The following CAST variants were observed in gnomAD, a reference collection of about 807,000 sequenced individuals.
CAST encodes MIR583 host.
In CAST, 76 loss-of-function variants were observed where a neutral mutation model predicts 119.6. The observed-to-expected ratio is 0.64, with a 90% CI of 0.53 to 0.77. CAST has a LOEUF of 0.77. Ranked by LOEUF, CAST falls within the 30% of genes least tolerant of loss-of-function variation. CAST has a pLI of 0.00. For missense variants in CAST, 953 were observed against 946.5 expected (o/e 1.01, Z -0.09); for synonymous variants, 319 against 331.6 (o/e 0.96, Z 0.41).
At chr5:96,708,993 A>T (rs192643939) in intron 3 of CAST, among the ~76,000 whole-genome samples, 2 of 152,176 alleles carry the variant, frequency 1.3e-5, no homozygotes. Context: ...TTTTTCCCCT[A>T]TGTTGTAGAT....
the CAST span, among the ~76,000 whole-genome samples, chr5:96,257,858 G>A: frequency 5.3e-5 from 8 of 152,168 alleles, no homozygotes; most frequent in East Asian, 1.9e-4. Context: ...CGCACAAGGC[G>A]CACTCTTTTT....
chr5:96,183,154 T>A, the CAST span, among the ~76,000 whole-genome samples: 38 of 101,410 alleles, frequency 3.7e-4, no homozygotes, highest in Non-Finnish European at 6.2e-4. Context: ...AGAAAAAAAA[T>A]AAATAAAATA....
chr5:96,544,854 C>T (rs1745978366), intron 1 of CAST, among the ~76,000 whole-genome samples: 1 of 151,256 alleles, frequency 6.6e-6, no homozygotes, highest in African/African-American at 2.4e-5. Flanking sequence ...ACTATATTTC[C>T]CACAAGAAAC....
Position 96,773,394 on chromosome 5 carries a change from C to G in CAST, c.*778C>G, listed in dbSNP as rs116955038. The stretch of plus-strand genomic sequence containing the variant: ...AAATTTCGAGCATAAGAAATAAAAT[C>G]TAATTAATTCTTAGGGTACTCATCT... On this transcript the variant is annotated 3_prime_UTR_variant, in exon 32 of 32. Coordinates refer to ENST00000675179, the MANE Select transcript of CAST (RefSeq NM_001750.7). 39 of 152,808 alleles carry G rather than the reference C, an allele frequency of 2.6e-4. No homozygotes were observed. The East Asian group carries it at 7.3e-3, about 29-fold the overall frequency. 9.5% of individuals were successfully genotyped at this position (152,808 alleles called of 1,614,324 possible).
chr5:96,678,166 A>T (rs1390489490), intron 2 of CAST, among the ~76,000 whole-genome samples: 1 of 152,158 alleles, frequency 6.6e-6, no homozygotes, highest in Non-Finnish European at 1.5e-5. Flanking sequence ...CCAGAGAAAG[A>T]CTTCCTGAAA....
the CAST span, among the ~76,000 whole-genome samples, chr5:96,301,550 AAGTT>A: frequency 6.6e-6 from 1 of 152,234 alleles, no homozygotes; most frequent in Non-Finnish European, 1.5e-5. Context: ...AATCAAAAGC[AAGTT>A]AGTTATTTCC....
At chr5:96,721,252 G>C (rs1477006842) in intron 3 of CAST, among the ~76,000 whole-genome samples, 1 of 152,080 alleles carries the variant, frequency 6.6e-6, no homozygotes, top group East Asian at 1.9e-4. Flanking sequence ...AGGGTTCTCA[G>C]GAATAGTTAT....
the CAST span, among the ~76,000 whole-genome samples, chr5:96,048,408 A>G: frequency 2.9e-3 from 445 of 152,254 alleles, 2 homozygotes; most frequent in African/African-American, 0.01. Context: ...TTCAGATGCA[A>G]AATAGGACAT....
chr5:96,062,956 C>A, the CAST span, among the ~76,000 whole-genome samples: 1 of 152,052 alleles, frequency 6.6e-6, no homozygotes. Context: ...AGTAGGAAAG[C>A]AATGCACTGA....
the CAST span, among the ~76,000 whole-genome samples, chr5:96,262,675 G>A: frequency 5.3e-3 from 799 of 152,052 alleles, 8 homozygotes; most frequent in African/African-American, 0.017. Context: ...GACTACAGGC[G>A]CCTGCCACCA....
the CAST span, among the ~76,000 whole-genome samples, chr5:95,965,545 C>G: frequency 1.3e-5 from 2 of 152,104 alleles, no homozygotes; most frequent in African/African-American, 4.8e-5. Flanking sequence ...GAACATAGAA[C>G]CTTATAGAGT....
At chr5:96,449,839 C>T in the CAST span, among the ~76,000 whole-genome samples, 200 of 152,294 alleles carry the variant, frequency 1.3e-3, no homozygotes, top group African/African-American at 4.5e-3. Context: ...AACCCTTCAC[C>T]ATCATCAAGG....
chr5:96,341,597 G>A, the CAST span, among the ~76,000 whole-genome samples: 1 of 151,910 alleles, frequency 6.6e-6, no homozygotes, highest in Non-Finnish European at 1.5e-5. Flanking sequence ...CTTTCTGGGT[G>A]TTTTTCTTTC....
At chr5:96,065,129 A>C in the CAST span, among the ~76,000 whole-genome samples, 1 of 152,060 alleles carries the variant, frequency 6.6e-6, no homozygotes, top group Admixed American at 6.6e-5. Context: ...GTTAGGGTTT[A>C]GTGAGAGGGA....
At chr5:96,720,757 G>A (rs1342457305) in intron 3 of CAST, among the ~76,000 whole-genome samples, 1 of 152,236 alleles carries the variant, frequency 6.6e-6, no homozygotes, top group Non-Finnish European at 1.5e-5. Flanking sequence ...AAAGTAACAA[G>A]GCAGGCTGGA....
At chr5:96,044,338 G>A in the CAST span, among the ~76,000 whole-genome samples, 1 of 152,194 alleles carries the variant, frequency 6.6e-6, no homozygotes, top group Non-Finnish European at 1.5e-5. Context: ...TCTTATAAGA[G>A]GGACCCCGGA....
chr5:96,454,058 A>C, the CAST span, among the ~76,000 whole-genome samples: 1 of 151,988 alleles, frequency 6.6e-6, no homozygotes. Flanking sequence ...GTAGATAAAA[A>C]TTTTTTGTTT....
At chr5:96,342,488 C>T in the CAST span, among the ~76,000 whole-genome samples, 3 of 152,174 alleles carry the variant, frequency 2.0e-5, no homozygotes, top group Non-Finnish European at 4.4e-5. Flanking sequence ...ATCTGGAAGC[C>T]ACTCTTGGAG....
intron 9 of CAST, among the ~76,000 whole-genome samples, chr5:96,733,695 T>C (rs1319139306): frequency 1.3e-5 from 2 of 152,078 alleles, no homozygotes; most frequent in Non-Finnish European, 2.9e-5. Context: ...CTGACCAACA[T>C]GGAGAAACCC....
Sources: allele counts gnomAD v4.1 joint callset (sites outside exome capture counted in the v4.1 genomes callset), GRCh38; gene constraint gnomAD v4.1.1; transcripts MANE v1.5; gene names NCBI Gene and HGNC (gene_info 2026-07-23, HGNC 2026-07-21).